Variants in BOC observed in about 807,000 individuals in gnomAD.
BOC encodes the protein brother of CDO.
BOC carries 76 observed loss-of-function variants against 112.0 expected under a neutral mutation model. The observed-to-expected ratio is 0.68, with a 90% CI of 0.56 to 0.82. BOC has a LOEUF of 0.82. BOC is among the 40% of genes least tolerant of loss of function. The pLI is 0.00. For synonymous variants in BOC, 580 were observed against 599.8 expected (o/e 0.97, Z 0.48); for missense variants, 1,309 against 1,511.7 (o/e 0.87, Z 2.22).
intron 2 of BOC, among the ~76,000 whole-genome samples, chr3:113,230,342 G>C (rs2107696665): frequency 6.6e-6 from 1 of 152,300 alleles, no homozygotes; most frequent in East Asian, 1.9e-4. Flanking sequence ...CCTGAAACAT[G>C]GTGGCTAGTG....
At chr3:113,268,227 C>G (rs940646610) in intron 4 of BOC, 72 bp from the exon 5 acceptor site, 15 of 1,585,614 alleles carry the variant, frequency 9.5e-6, no homozygotes, top group Non-Finnish European at 1.2e-5. Flanking sequence ...AACACCAAGG[C>G]ACAAGCCCAC....
intron 16 of BOC, 109 bp from the exon 17 acceptor site, chr3:113,284,226 G>A (rs9864630): frequency 0.021 from 18,750 of 882,916 alleles, 281 homozygotes; most frequent in Middle Eastern, 0.064. Flanking sequence ...CCCTGCCTAC[G>A]TCCTTCAACC....
At position 113,252,356 on chromosome 3, in the gene BOC, CCAT is replaced by C. The variant is rs368400591; in HGVS notation, c.376+1541_376+1543del. On this transcript the variant is annotated intron_variant, in intron 4 of 19. Coordinates refer to ENST00000682979, the MANE Select transcript of BOC (RefSeq NM_001378074.1). The stretch of plus-strand genomic sequence containing the variant: ...AGCCCTGCTTTGGGCATCCATGTCA[CCAT>C]CATCATCATCATCATCACCCTTGTG... Among the ~76,000 whole-genome samples, 8 of 152,188 alleles carry C rather than the reference CCAT, an allele frequency of 5.3e-5. No individual in the cohort carries two copies. In the East Asian group the frequency reaches 7.7e-4, roughly 15 times the overall value.
chr3:113,273,767 G>T (rs975936850), intron 8 of BOC, among the ~76,000 whole-genome samples: 13 of 152,180 alleles, frequency 8.5e-5, no homozygotes, highest in African/African-American at 3.1e-4. Flanking sequence ...GAAACAACTT[G>T]AGAAAAATAC....
Position 113,274,600 on chromosome 3 carries a change from A to G in BOC, c.1460A>G (p.Asp487Gly), listed in dbSNP as rs1348215970. The stretch of plus-strand genomic sequence containing the variant: ...AGCTCGCCCCGCACCTCCAAGACAG[A>G]CTCATATGAACTGGTGTGGCGGCCT... ...ILSSPRTSKTDSYELVWRPRH... is the reference protein window; with the variant it reads ...ILSSPRTSKTGSYELVWRPRH... The change falls in exon 9 of 20, where the codon GAC (aspartate) becomes GGC (glycine). Residue 487 changes from aspartate to glycine, a missense_variant. Physicochemically the swap from Asp to Gly is moderately conservative, Grantham distance 94 (BLOSUM62 -1). Transcript: ENST00000682979. This position sits in a 1 kb window ranked among gnomAD's most constrained non-coding sequence, Gnocchi z 4.8. 1.2e-6 allele frequency: 2 copies of G among 1,613,480 alleles called. No individual in the cohort carries two copies. Among genetic ancestry groups the G allele is most frequent in the Non-Finnish European group, 1.7e-6 (2 of 1,179,890 alleles).
In BOC at chr3:113,279,223, T is replaced by C. The variant is rs751841471; in HGVS notation, c.1817-26T>C. 5.0e-6 allele frequency: 8 copies of C among 1,605,670 alleles called. No individual in the cohort carries two copies. In the East Asian group the frequency reaches 1.6e-4, roughly 31 times the overall value. On this transcript the variant is annotated intron_variant, in intron 11 of 19. Coordinates refer to ENST00000682979, the MANE Select transcript of BOC (RefSeq NM_001378074.1). Reference sequence around the variant, plus strand: ...CTCACGTCATCTCACCCTGCTTCCTTCCTCACTGGATACGGTCTTTCCCAG... The same window carrying C: ...CTCACGTCATCTCACCCTGCTTCCTCCCTCACTGGATACGGTCTTTCCCAG...
chr3:113,231,952 G>A (rs895138048), intron 2 of BOC, among the ~76,000 whole-genome samples: 1 of 152,174 alleles, frequency 6.6e-6, no homozygotes, highest in African/African-American at 2.4e-5. Flanking sequence ...GACTCTCACT[G>A]TTTGCCTGCA....
chr3:113,276,032 G>A (rs1487944102), intron 9 of BOC, among the ~76,000 whole-genome samples: 1 of 152,224 alleles, frequency 6.6e-6, no homozygotes, highest in African/African-American at 2.4e-5. Flanking sequence ...GGGTGAATGA[G>A]TTTTTAACAA....
At chr3:113,233,882 C>A (rs529504435) in intron 2 of BOC, among the ~76,000 whole-genome samples, 8 of 150,218 alleles carry the variant, frequency 5.3e-5, no homozygotes, top group Non-Finnish European at 7.4e-5. Flanking sequence ...ACGGCGGGCT[C>A]CCAAACCAAA....
rs3856720 is a variant in BOC at position 113,279,243 on chromosome 3, T to C, written c.1817-6T>C. 324,651 of 1,611,446 alleles carry C rather than the reference T, an allele frequency of 0.2. 38,321 individuals carry two copies. Among genetic ancestry groups the C allele is most frequent in the East Asian group, 0.46 (20,810 of 44,786 alleles). ...TTCCTTCCTCACTGGATACGGTCTT[T>C]CCCAGCCCCAGAAGCTCCCGACAGG... On this transcript the variant is annotated splice_polypyrimidine_tract_variant and splice_region_variant and intron_variant, in intron 11 of 19. Coordinates refer to ENST00000682979, the MANE Select transcript of BOC (RefSeq NM_001378074.1).
At chr3:113,233,148 G>GGGGGGTGT (rs75678874) in intron 2 of BOC, among the ~76,000 whole-genome samples, 8 of 123,960 alleles carry the variant, frequency 6.5e-5, no homozygotes, top group African/African-American at 1.5e-4. Context: ...AAAGGATTGG[G>GGGGGGTGT]GTGTGTGTGT....
intron 5 of BOC, among the ~76,000 whole-genome samples, chr3:113,268,762 A>G (rs1576464645): frequency 6.6e-6 from 1 of 152,282 alleles, no homozygotes; most frequent in East Asian, 1.9e-4. Context: ...ACACGCCACC[A>G]TGCTTGGCTA....
In BOC at chr3:113,278,150, A is replaced by G; in HGVS notation, c.1598A>G (p.His533Arg). Residue 533 changes from histidine to arginine, a missense_variant, in exon 10 of 20, where the codon CAC (histidine) becomes CGC (arginine). Physicochemically the swap from His to Arg is conservative, Grantham distance 29 (BLOSUM62 0). Coordinates refer to ENST00000682979, the MANE Select transcript of BOC (RefSeq NM_001378074.1). This position sits in a 1 kb window ranked among gnomAD's most constrained non-coding sequence, Gnocchi z 4.2. ...ATCTCTGGCATTCCAGCCAACCAGC[A>G]CCGCCTGACCCTCACCAGACTTGAC... ...WTISGIPANQ[H>R]RLTLTRLDPG... 5 of 1,614,204 alleles carry G rather than the reference A, an allele frequency of 3.1e-6. No individual in the cohort carries two copies. Among genetic ancestry groups the G allele is most frequent in the Middle Eastern group, 1.6e-4 (1 of 6,062 alleles).
Position 113,286,774 on chromosome 3 carries a change from G to A in BOC, c.3260G>A (p.Gly1087Glu). 1 of 1,613,794 alleles carries A rather than the reference G, an allele frequency of 6.2e-7. No individual in the cohort carries two copies. The highest frequency in any genetic ancestry group is 2.2e-5 in the East Asian group (1 of 44,852). ...GGDWCPQHPV[G>E]AYVGQEPGMQ... ...GACTGGTGTCCCCAGCACCCCGTAG[G>A]GGCCTACGTAGGACAGGAACCTGGA... Residue 1087 changes from glycine (G) to glutamate (E), a missense_variant, in exon 20 of 20, where the codon GGG becomes GAG. Transcript: ENST00000682979.
rs1412839439 is a variant in BOC, at chr3:113,281,081, G to A, written c.2362G>A (p.Asp788Asn). The A allele has an allele frequency of 2.5e-6, 4 of 1,614,028 alleles. No individual in the cohort carries two copies. Among genetic ancestry groups the A allele is most frequent in the East Asian group, 2.2e-5 (1 of 44,872 alleles). Residue 788 changes from aspartate (D) to asparagine (N), a missense_variant, in exon 15 of 20, where the codon GAC becomes AAC. Asp to Asn is a conservative substitution (Grantham distance 23). Coordinates refer to ENST00000682979, the MANE Select transcript of BOC (RefSeq NM_001378074.1). ...CCACCTGCAGCCAGAGACCTCCTAC[G>A]ACATTAAGATGCAGTGCTTCAATGA... ...ISHLQPETSY[D>N]IKMQCFNEGG...
intron 2 of BOC, among the ~76,000 whole-genome samples, chr3:113,240,130 C>T (rs1944095817): frequency 6.6e-6 from 1 of 152,118 alleles, no homozygotes; most frequent in African/African-American, 2.4e-5. Flanking sequence ...AGCCAGTGTA[C>T]CATTCCCTGC....
chr3:113,226,264 G>A (rs115867197), intron 2 of BOC, among the ~76,000 whole-genome samples: 4,712 of 152,308 alleles, frequency 0.031, 108 homozygotes, highest in Middle Eastern at 0.044. Context: ...TCCCAGTGGT[G>A]TGGTCTTCAG....
chr3:113,261,376 CT>C (rs1464281695), intron 4 of BOC, among the ~76,000 whole-genome samples: 4 of 152,180 alleles, frequency 2.6e-5, no homozygotes, highest in Admixed American at 6.5e-5. Context: ...GCAAGTAAAT[CT>C]TTTTTTCCTT....
intron 6 of BOC, chr3:113,272,075 G>T (rs1487040277): frequency 2.9e-6 from 1 of 349,204 alleles, no homozygotes. Flanking sequence ...CAAGCAGAAA[G>T]AAATATCTGT....
Sources: allele counts gnomAD v4.1 joint callset (sites outside exome capture counted in the v4.1 genomes callset), GRCh38; gene constraint gnomAD v4.1.1; non-coding constraint Gnocchi (gnomAD v3.1); transcripts MANE v1.5; gene names NCBI Gene and HGNC (gene_info 2026-07-23, HGNC 2026-07-21).